Variants in ZBTB7C observed in about 807,000 individuals in gnomAD.
ZBTB7C encodes the protein zinc finger and BTB domain containing 7C.
A neutral mutation model predicts 25.7 loss-of-function variants in ZBTB7C; 8 were observed. The ratio of observed to expected loss-of-function variants is 0.31; its 90% CI spans 0.18 to 0.56. ZBTB7C has a LOEUF of 0.56. Ranked by LOEUF, ZBTB7C falls within the 20% of genes least tolerant of loss-of-function variation. ZBTB7C has a pLI of 0.91. For synonymous variants in ZBTB7C, 394 were observed against 369.0 expected (o/e 1.07, Z -0.78); for missense variants, 824 against 855.2 (o/e 0.96, Z 0.46).
intron 1 of ZBTB7C, among the ~76,000 whole-genome samples, chr18:48,408,869 G>A (rs1363173107): frequency 6.6e-6 from 1 of 151,164 alleles, no homozygotes; most frequent in Non-Finnish European, 1.5e-5. Context: ...GTGCCAGCCA[G>A]GAGGCGCGGC....
chr18:48,285,820 C>A (rs1427168350), intron 2 of ZBTB7C, among the ~76,000 whole-genome samples: 2 of 152,024 alleles, frequency 1.3e-5, no homozygotes, highest in Non-Finnish European at 2.9e-5. Flanking sequence ...TTTTCAAGGG[C>A]AATTTTTTTT....
chr18:48,193,739 A>G (rs2042253823), intron 2 of ZBTB7C, among the ~76,000 whole-genome samples: 1 of 152,232 alleles, frequency 6.6e-6, no homozygotes, highest in Admixed American at 6.5e-5. Context: ...CACTGAAACA[A>G]GGTGGCAGGC....
rs572194745 is a variant in ZBTB7C at position 48,392,878 on chromosome 18, C to T, written c.-304+16348G>A. 1.0e-3 allele frequency among the ~76,000 whole-genome samples: 155 copies of T among 152,228 alleles called. 2 individuals are homozygous for T. The highest frequency in any genetic ancestry group is 4.4e-5 in the Non-Finnish European group (3 of 68,012). On this transcript the variant is annotated intron_variant, in intron 1 of 4. Coordinates refer to ENST00000590800, the MANE Select transcript of ZBTB7C (RefSeq NM_001318841.2). ...TGGCAGGACAGTGCAGTGAAAAAGG[C>T]CTGGAAAGCTGGGAGACCGCGATCC...
intron 3 of ZBTB7C, chr18:48,165,328 C>T (rs993066214): frequency 1.2e-5 from 5 of 427,518 alleles, no homozygotes; most frequent in South Asian, 3.4e-5. Context: ...CGACGTAGCC[C>T]GTCCTTCAGA....
At chr18:48,150,352 T>G (rs1321065764) in intron 3 of ZBTB7C, 1 of 151,872 alleles carries the variant, frequency 6.6e-6, no homozygotes, top group East Asian at 2.0e-4. Flanking sequence ...GAGACCGAGG[T>G]GGGCAAATCA....
intron 3 of ZBTB7C, among the ~76,000 whole-genome samples, chr18:48,114,494 G>A (rs771852387): frequency 2.2e-4 from 34 of 152,142 alleles, no homozygotes; most frequent in African/African-American, 7.2e-4. Context: ...CCAGCTACTC[G>A]GGAGGCTGAG....
At chr18:48,193,607 C>G (rs963646656) in intron 2 of ZBTB7C, among the ~76,000 whole-genome samples, 5 of 152,160 alleles carry the variant, frequency 3.3e-5, no homozygotes, top group African/African-American at 1.2e-4. Flanking sequence ...GGGCACTTGC[C>G]GCAGCGCTGA....
At chr18:48,043,366 T>C (rs1275516702) in intron 3 of ZBTB7C, among the ~76,000 whole-genome samples, 1 of 152,314 alleles carries the variant, frequency 6.6e-6, no homozygotes, top group East Asian at 1.9e-4. Flanking sequence ...TGGCTAAACA[T>C]TGTGGTACAT....
chr18:48,071,665 C>G (rs1272052265), intron 3 of ZBTB7C, among the ~76,000 whole-genome samples: 1 of 152,168 alleles, frequency 6.6e-6, no homozygotes, highest in Non-Finnish European at 1.5e-5. Flanking sequence ...TAATTGGAAG[C>G]AAGAACTCGA....
chr18:48,049,931 C>T (rs117043725), intron 3 of ZBTB7C, among the ~76,000 whole-genome samples: 3,218 of 152,300 alleles, frequency 0.021, 62 homozygotes, highest in Non-Finnish European at 0.032. Flanking sequence ...CCCACTATCC[C>T]GGAAGCTGTC....
chr18:48,226,512 T>C (rs918441862), intron 2 of ZBTB7C, among the ~76,000 whole-genome samples: 3 of 152,190 alleles, frequency 2.0e-5, no homozygotes, highest in Non-Finnish European at 2.9e-5. Context: ...ATTCCATCCT[T>C]CAAAAATGAG....
intron 2 of ZBTB7C, among the ~76,000 whole-genome samples, chr18:48,291,531 G>A (rs2045229753): frequency 6.6e-6 from 1 of 152,170 alleles, no homozygotes; most frequent in South Asian, 2.1e-4. Flanking sequence ...CCCACAGGGA[G>A]CCCAGGCCTG....
intron 2 of ZBTB7C, among the ~76,000 whole-genome samples, chr18:48,238,996 T>C (rs1324470265): frequency 6.6e-6 from 1 of 152,080 alleles, no homozygotes; most frequent in Non-Finnish European, 1.5e-5. Flanking sequence ...GTGTGGGAGC[T>C]TGGTGAAGCC....
chr18:48,075,536 A>T (rs2037729636), intron 3 of ZBTB7C, among the ~76,000 whole-genome samples: 1 of 152,144 alleles, frequency 6.6e-6, no homozygotes, highest in African/African-American at 2.4e-5. Flanking sequence ...GGCTGAGATC[A>T]TCGGCTTAGC....
intron 3 of ZBTB7C, among the ~76,000 whole-genome samples, chr18:48,047,752 C>G (rs2036530589): frequency 6.6e-6 from 1 of 152,214 alleles, no homozygotes; most frequent in African/African-American, 2.4e-5. Context: ...GGCCAGCAAG[C>G]TAGTGAGCTT....
chr18:48,391,510 C>A (rs2047902903), intron 1 of ZBTB7C, among the ~76,000 whole-genome samples: 1 of 148,648 alleles, frequency 6.7e-6, no homozygotes, highest in Non-Finnish European at 1.5e-5. Flanking sequence ...ATATTTTCTA[C>A]AGAATATCAA....
At chr18:48,234,008 T>C (rs930591489) in intron 2 of ZBTB7C, among the ~76,000 whole-genome samples, 1 of 152,112 alleles carries the variant, frequency 6.6e-6, no homozygotes. Context: ...CCAGTGAAAG[T>C]CCTTTCCCAT....
At chr18:48,035,889 C>T (rs1459009553) in intron 4 of ZBTB7C, among the ~76,000 whole-genome samples, 1 of 152,218 alleles carries the variant, frequency 6.6e-6, no homozygotes, top group African/African-American at 2.4e-5. Context: ...TGCCCTATGA[C>T]CTGGAGCTGT....
intron 2 of ZBTB7C, among the ~76,000 whole-genome samples, chr18:48,328,146 C>T (rs564675303): frequency 3.1e-4 from 44 of 143,442 alleles, no homozygotes; most frequent in Non-Finnish European, 5.5e-4. Flanking sequence ...TGCACCACTG[C>T]ACTCCAGCCT....
Sources: gnomAD v4.1 joint callset for allele counts (sites outside exome capture counted in the v4.1 genomes callset) on GRCh38, gnomAD v4.1.1 for gene constraint, MANE v1.5 for transcripts, NCBI Gene and HGNC (gene_info 2026-07-23, HGNC 2026-07-21) for gene names.